Variants in ATRNL1 observed in about 807,000 individuals in gnomAD.
ATRNL1 encodes attractin like 1, also known as attractin-like protein 1.
Under a neutral mutation model 182.7 loss-of-function variants are expected in ATRNL1, and 95 were observed. The ratio of observed to expected loss-of-function variants is 0.52; its 90% CI spans 0.44 to 0.62. The LOEUF is 0.62. Ranked by LOEUF, ATRNL1 falls within the 20% of genes least tolerant of loss-of-function variation. ATRNL1 has a pLI of 0.00. For synonymous variants in ATRNL1, 576 were observed against 568.3 expected, an observed-to-expected ratio of 1.01 and a Z score of -0.19; for missense variants, 1,471 against 1,679.5, an observed-to-expected ratio of 0.88 and a Z score of 2.17.
At chr10:115,366,469 TC>T (rs1274092176) in intron 19 of ATRNL1, among the ~76,000 whole-genome samples, 2 of 152,176 alleles carry the variant, frequency 1.3e-5, no homozygotes, top group Non-Finnish European at 2.9e-5. Flanking sequence ...TGACTCTTTA[TC>T]CAATTTGCCA....
At chr10:115,371,464 A>C (rs1431697681) in intron 19 of ATRNL1, among the ~76,000 whole-genome samples, 2 of 152,260 alleles carry the variant, frequency 1.3e-5, no homozygotes, top group African/African-American at 4.8e-5. Context: ...CACCTCTTGC[A>C]TCAGCGTAAC....
intron 25 of ATRNL1, among the ~76,000 whole-genome samples, chr10:115,544,203 T>C (rs73373367): frequency 0.027 from 4,087 of 152,180 alleles, 152 homozygotes; most frequent in African/African-American, 0.09. Context: ...ATTTAAGAGA[T>C]AGAGAAAAGC....
chr10:115,663,759 C>G (rs935233907), intron 26 of ATRNL1, among the ~76,000 whole-genome samples: 12 of 152,048 alleles, frequency 7.9e-5, no homozygotes, highest in African/African-American at 2.2e-4. Context: ...CTTGTGTACA[C>G]ACAAACTGGA....
At chr10:115,283,746 A>C (rs1554917754) in intron 14 of ATRNL1, among the ~76,000 whole-genome samples, 3 of 152,224 alleles carry the variant, frequency 2.0e-5, no homozygotes, top group Non-Finnish European at 4.4e-5. Context: ...CATTTCAAGG[A>C]ATATTACTTT....
chr10:115,152,775 G>A (rs188100928), intron 5 of ATRNL1, among the ~76,000 whole-genome samples: 6 of 152,240 alleles, frequency 3.9e-5, no homozygotes, highest in South Asian at 4.1e-4. Flanking sequence ...GTGAGAGAGG[G>A]CATCCCTGTC....
At chr10:115,792,674 A>C (rs1949557050) in intron 27 of ATRNL1, among the ~76,000 whole-genome samples, 1 of 151,220 alleles carries the variant, frequency 6.6e-6, no homozygotes, top group Non-Finnish European at 1.5e-5. Context: ...AAGGATATTC[A>C]AAATGTTATA....
chr10:115,336,544 A>T (rs782756906), intron 19 of ATRNL1, among the ~76,000 whole-genome samples: 1 of 152,314 alleles, frequency 6.6e-6, no homozygotes, highest in Admixed American at 6.5e-5. Flanking sequence ...TGAAGAAAAA[A>T]TATACTATGA....
chr10:115,357,734 G>A (rs1238001879), intron 19 of ATRNL1, among the ~76,000 whole-genome samples: 1 of 151,506 alleles, frequency 6.6e-6, no homozygotes, highest in Non-Finnish European at 1.5e-5. Flanking sequence ...TTTAAAGGAA[G>A]TATATAAACA....
chr10:115,653,471 T>C (rs1860138264), intron 26 of ATRNL1, among the ~76,000 whole-genome samples: 1 of 152,190 alleles, frequency 6.6e-6, no homozygotes, highest in South Asian at 2.1e-4. Context: ...GTTTTCTAGA[T>C]CTGTTTGCAA....
chr10:115,515,232 G>T (rs1850577290), intron 24 of ATRNL1, among the ~76,000 whole-genome samples: 1 of 151,214 alleles, frequency 6.6e-6, no homozygotes, highest in Non-Finnish European at 1.5e-5. Context: ...TCCACAGCTT[G>T]AGTTTGTCAT....
intron 27 of ATRNL1, among the ~76,000 whole-genome samples, chr10:115,830,677 G>C (rs1367503705): frequency 6.6e-6 from 1 of 152,074 alleles, no homozygotes; most frequent in Non-Finnish European, 1.5e-5. Flanking sequence ...GAGTGTTTTT[G>C]CACTGTTGGT....
intron 27 of ATRNL1, among the ~76,000 whole-genome samples, chr10:115,838,459 A>T (rs1222778358): frequency 6.6e-6 from 1 of 152,204 alleles, no homozygotes; most frequent in African/African-American, 2.4e-5. Flanking sequence ...CAGTATTTGT[A>T]TCACTGATGG....
At position 115,947,446 on chromosome 10, in the gene ATRNL1, A is replaced by G. The variant is rs547334019; in HGVS notation, c.*2667A>G. 2.0e-4 allele frequency: 31 copies of G among 152,770 alleles called. No individual in the cohort carries two copies. The highest frequency in any genetic ancestry group is 3.8e-4 in the Non-Finnish European group (26 of 68,028). 9.5% of individuals were successfully genotyped at this position (152,770 alleles called of 1,614,324 possible). On this transcript the variant is annotated 3_prime_UTR_variant, in exon 29 of 29. Transcript: ENST00000355044. ...TATGAAAAAAAAATGGTTAAATACA[A>G]TGGAGTTTTAAAAATTAACCTGGGG...
At chr10:115,207,675 G>GC (rs527376133) in intron 8 of ATRNL1, among the ~76,000 whole-genome samples, 52 of 151,432 alleles carry the variant, frequency 3.4e-4, no homozygotes, top group Admixed American at 7.9e-4. Flanking sequence ...TCCTCCCCTT[G>GC]CCCCCCCACA....
chr10:115,152,431 A>G (rs1432160115), intron 5 of ATRNL1, among the ~76,000 whole-genome samples: 1 of 152,098 alleles, frequency 6.6e-6, no homozygotes, highest in African/African-American at 2.4e-5. Context: ...GGTCCTTCAC[A>G]TCCCTTGTAA....
intron 19 of ATRNL1, among the ~76,000 whole-genome samples, chr10:115,362,157 C>G (rs920114689): frequency 6.6e-6 from 1 of 151,748 alleles, no homozygotes; most frequent in Admixed American, 6.6e-5. Flanking sequence ...AAATCTAGGG[C>G]TTTTTTGTGA....
intron 21 of ATRNL1, among the ~76,000 whole-genome samples, chr10:115,459,593 G>C (rs1302408595): frequency 2.6e-5 from 4 of 152,110 alleles, no homozygotes; most frequent in Non-Finnish European, 5.9e-5. Context: ...CCTGTCTCCT[G>C]ATAAGATGTT....
At chr10:115,828,312 C>T (rs908246019) in intron 27 of ATRNL1, among the ~76,000 whole-genome samples, 4 of 148,506 alleles carry the variant, frequency 2.7e-5, no homozygotes, top group African/African-American at 5.2e-5. Context: ...AGCAAAACTC[C>T]GTCTCAAAAA....
intron 26 of ATRNL1, among the ~76,000 whole-genome samples, chr10:115,562,508 T>C (rs773917687): frequency 2.6e-5 from 4 of 152,156 alleles, no homozygotes; most frequent in African/African-American, 4.8e-5. Context: ...GTTGAAATGG[T>C]TTGGCTGTGT....
Sources: allele counts gnomAD v4.1 joint callset (sites outside exome capture counted in the v4.1 genomes callset), GRCh38; gene constraint gnomAD v4.1.1; transcripts MANE v1.5; gene names NCBI Gene and HGNC (gene_info 2026-07-23, HGNC 2026-07-21).